The following FNBP1 variants were observed in gnomAD, a reference collection of about 807,000 sequenced individuals.
FNBP1 encodes the protein formin binding protein 1.
Under a neutral mutation model 90.6 loss-of-function variants are expected in FNBP1, and 26 were observed. That is an observed-to-expected ratio of 0.29 (90% CI 0.21 to 0.40). The LOEUF is 0.40. Ranked by LOEUF, FNBP1 falls within the 10% of genes least tolerant of loss-of-function variation. The pLI is 1.00. For synonymous variants in FNBP1, 260 were observed against 265.2 expected (o/e 0.98, Z 0.19); for missense variants, 635 against 768.0 (o/e 0.83, Z 2.05).
chr9:129,903,666 T>A (rs751926527), intron 12 of FNBP1, among the ~76,000 whole-genome samples: 1 of 152,150 alleles, frequency 6.6e-6, no homozygotes, highest in Non-Finnish European at 1.5e-5. Flanking sequence ...TTAATTAATT[T>A]ATTTTTGAGA....
chr9:129,922,119 C>T (rs1039583980), intron 10 of FNBP1, among the ~76,000 whole-genome samples: 14 of 151,462 alleles, frequency 9.2e-5, no homozygotes, highest in Non-Finnish European at 1.6e-4. Context: ...GGATTACAGG[C>T]GTGGGCCACT....
At chr9:130,013,753 C>T (rs1008475802) in intron 1 of FNBP1, 10 of 456,372 alleles carry the variant, frequency 2.2e-5, no homozygotes, top group Admixed American at 1.4e-4. Context: ...GGAAATGGGG[C>T]CAAATAAAAG....
intron 2 of FNBP1, among the ~76,000 whole-genome samples, chr9:129,983,170 T>G (rs577619148): frequency 6.6e-6 from 1 of 151,956 alleles, no homozygotes; most frequent in East Asian, 1.9e-4. Flanking sequence ...TGACTCTGAA[T>G]CTATTGATCC....
At chr9:129,990,126 A>T (rs2052897836) in intron 2 of FNBP1, among the ~76,000 whole-genome samples, 2 of 152,146 alleles carry the variant, frequency 1.3e-5, no homozygotes, top group South Asian at 4.1e-4. Flanking sequence ...TTGAGTAGTA[A>T]TGCATATGTT....
At chr9:129,893,612 CAAAAAAAAAAA>C (rs1216398298) in intron 16 of FNBP1, among the ~76,000 whole-genome samples, 1 of 22,308 alleles carries the variant, frequency 4.5e-5, no homozygotes, top group Non-Finnish European at 8.1e-5. Context: ...GACTCTGTCT[CAAAAAAAAAAA>C]AAAAAAAAAA....
chr9:129,925,003 C>T lies in FNBP1; in HGVS notation c.944G>A (p.Gly315Asp). 6 of 1,613,770 alleles carry T rather than the reference C, an allele frequency of 3.7e-6. No individual in the cohort carries two copies. Among genetic ancestry groups the T allele is most frequent in the East Asian group, 2.2e-5 (1 of 44,880 alleles). Residue 315 changes from glycine to aspartate, a missense_variant, in exon 9 of 17, where the codon GGC (glycine) becomes GAC (aspartate). Gly to Asp is a moderately conservative substitution (Grantham distance 94). Coordinates refer to ENST00000446176, the MANE Select transcript of FNBP1 (RefSeq NM_015033.3). ...GEGKPDLKFG[G>D]KSKGKLWPFI... is the part of the protein sequence containing the mutation. ...CGGCCATAACTTTCCTTTGGATTTG[C>T]CACCAAATTTGAGGTCTGGTTTGCC...
intron 12 of FNBP1, among the ~76,000 whole-genome samples, chr9:129,904,272 T>C (rs2037548314): frequency 6.6e-6 from 1 of 152,172 alleles, no homozygotes; most frequent in Admixed American, 6.5e-5. Context: ...AGCTACACAC[T>C]GTGGATCCCA....
chr9:130,023,469 G>C (rs918653053), intron 1 of FNBP1, among the ~76,000 whole-genome samples: 1 of 152,170 alleles, frequency 6.6e-6, no homozygotes, highest in Non-Finnish European at 1.5e-5. Context: ...AGACTTCCCC[G>C]GCCAAGGGCA....
At chr9:129,928,665 AAAAAAAAG>A (rs1028292353) in intron 7 of FNBP1, among the ~76,000 whole-genome samples, 34 of 151,974 alleles carry the variant, frequency 2.2e-4, no homozygotes, top group South Asian at 1.2e-3. Flanking sequence ...CATCTCAAAA[AAAAAAAAG>A]AAAAAAAGAA....
At chr9:129,895,666 A>G (rs1002886351) in intron 16 of FNBP1, 172 bp downstream of exon 16, 15 of 1,279,568 alleles carry the variant, frequency 1.2e-5, no homozygotes, top group African/African-American at 4.6e-5. Context: ...AGACAAGGCA[A>G]TTCAGGTGCC....
At position 129,914,498 on chromosome 9, in the gene FNBP1, C is replaced by A. The variant is rs540591757; in HGVS notation, c.1185+1468G>T. Among the ~76,000 whole-genome samples, 7 of 151,896 alleles carry A rather than the reference C, an allele frequency of 4.6e-5. No homozygotes were observed. The South Asian group carries it at 1.5e-3, about 32-fold the overall frequency. On this transcript the variant is annotated intron_variant, in intron 11 of 16. Coordinates refer to ENST00000446176, the MANE Select transcript of FNBP1 (RefSeq NM_015033.3). ...CAATGAATAAAGGGAAATAAGGAAACCCTGGCAGCTGAGAAGGCCTCCTAG... is the reference window on the plus strand; with the variant it reads ...CAATGAATAAAGGGAAATAAGGAAAACCTGGCAGCTGAGAAGGCCTCCTAG...
chr9:130,041,004 CTTT>C lies in FNBP1; in HGVS notation c.24+1945_24+1947del, dbSNP rs71387303. Among the ~76,000 whole-genome samples, 5 of 134,682 alleles carry C rather than the reference CTTT, an allele frequency of 3.7e-5. No homozygotes were observed. Among genetic ancestry groups the C allele is most frequent in the Admixed American group, 7.5e-5 (1 of 13,286 alleles). 88.4% of individuals were successfully genotyped at this position (134,682 alleles called of 152,430 possible). ...TTTTTTCTTTTTTCTTTTTTCTTTTCTTTTTTTTTTTTTTAAGAGGAGGCCTCT... is the reference window on the plus strand; with the variant it reads ...TTTTTTCTTTTTTCTTTTTTCTTTTCTTTTTTTTTTTAAGAGGAGGCCTCT... On this transcript the variant is annotated intron_variant, in intron 1 of 16. Coordinates refer to ENST00000446176, the MANE Select transcript of FNBP1 (RefSeq NM_015033.3). The surrounding 1 kb of genome is among the most constrained non-coding windows in gnomAD (Gnocchi z 4.3).
At chr9:129,892,042 C>T (rs1032583547) in intron 16 of FNBP1, among the ~76,000 whole-genome samples, 9 of 152,214 alleles carry the variant, frequency 5.9e-5, no homozygotes, top group African/African-American at 1.9e-4. Flanking sequence ...AACTCAAGTG[C>T]GGAGCCGCAG....
At chr9:129,971,335 T>G (rs1172341861) in intron 4 of FNBP1, among the ~76,000 whole-genome samples, 1 of 152,166 alleles carries the variant, frequency 6.6e-6, no homozygotes, top group African/African-American at 2.4e-5. Context: ...ATAAAAAGCA[T>G]CTTTTCTCCT....
intron 7 of FNBP1, among the ~76,000 whole-genome samples, chr9:129,929,358 C>T (rs765965297): frequency 6.2e-5 from 9 of 144,226 alleles, no homozygotes; most frequent in Non-Finnish European, 1.2e-4. Flanking sequence ...TGCAATGAGC[C>T]GAGACTGTGC....
In FNBP1 at chr9:129,966,082, C is replaced by T. The variant is rs1013507041; in HGVS notation, c.346-7529G>A. Among the ~76,000 whole-genome samples the T allele has an allele frequency of 3.9e-5, 6 of 152,100 alleles. No homozygotes were observed. Among genetic ancestry groups the T allele is most frequent in the Non-Finnish European group, 5.9e-5 (4 of 68,022 alleles). On this transcript the variant is annotated intron_variant, in intron 4 of 16. Coordinates refer to ENST00000446176, the MANE Select transcript of FNBP1 (RefSeq NM_015033.3). The surrounding 1 kb of genome is among the most constrained non-coding windows in gnomAD (Gnocchi z 4.3). ...AAAGCTGTGTAAACAAAACAAAGTC[C>T]CCTGTCCCAGTGAAACTGAGTGGAT...
chr9:129,973,380 A>G (rs1564472477), intron 4 of FNBP1, among the ~76,000 whole-genome samples: 1 of 152,246 alleles, frequency 6.6e-6, no homozygotes, highest in Non-Finnish European at 1.5e-5. Context: ...TCCTTACAAT[A>G]AAATAGTGTT....
intron 1 of FNBP1, among the ~76,000 whole-genome samples, chr9:130,010,849 T>C (rs1010249836): frequency 1.3e-5 from 2 of 150,970 alleles, no homozygotes; most frequent in Admixed American, 6.7e-5. Flanking sequence ...AGCTCTGTAC[T>C]GGCACTGGAA....
At position 129,957,423 on chromosome 9, in the gene FNBP1, C is replaced by T; in HGVS notation, c.450G>A (p.Arg150=). ...CCATTTTCTCAAAGTACTGCTGCGC[C>T]CTGTCCGCCTCTTTGCAATCGCGTT... ...RFERDCKEAD[R]AQQYFEKMDA... Residue 150 remains arginine, a synonymous_variant, in exon 6 of 17, where the codon AGG becomes AGA. Transcript: ENST00000446176. This position sits in a 1 kb window ranked among gnomAD's most constrained non-coding sequence, Gnocchi z 4.3. The T allele has an allele frequency of 6.2e-7, 1 of 1,613,866 alleles. No homozygotes were observed. Among genetic ancestry groups the T allele is most frequent in the Non-Finnish European group, 8.5e-7 (1 of 1,179,824 alleles).
Sources: gnomAD v4.1 joint callset for allele counts (sites outside exome capture counted in the v4.1 genomes callset) on GRCh38, gnomAD v4.1.1 for gene constraint, Gnocchi (gnomAD v3.1) non-coding constraint, MANE v1.5 for transcripts, NCBI Gene and HGNC (gene_info 2026-07-23, HGNC 2026-07-21) for gene names.